Variants in GON4L observed in about 807,000 individuals in gnomAD.
GON4L encodes gon-4 like, also known as GON-4-like protein.
GON4L carries 87 observed loss-of-function variants against 211.8 expected under a neutral mutation model. The observed-to-expected ratio is 0.41, with a 90% CI of 0.35 to 0.49. The LOEUF is 0.49. Among genes scored for constraint, GON4L ranks in the 20% least tolerant of loss-of-function variants. GON4L has a pLI of 0.15. For missense variants in GON4L, 2,155 were observed against 2,659.5 expected (o/e 0.81, Z 4.17); for synonymous variants, 875 against 962.6 (o/e 0.91, Z 1.68).
chr1:155,825,175 TAAAG>T (rs990721251), intron 3 of GON4L, among the ~76,000 whole-genome samples: 1 of 151,020 alleles, frequency 6.6e-6, no homozygotes. Flanking sequence ...AAAAAAAAAT[TAAAG>T]AAAAGAAAAC....
chr1:155,760,774 A>G, intron 23 of GON4L, 133 bp from the exon 24 acceptor site: 1 of 623,878 alleles, frequency 1.6e-6, no homozygotes, highest in Admixed American at 2.7e-5. Flanking sequence ...CCTCCAACAG[A>G]TCTTAACATC....
At chr1:155,800,743 T>C (rs1666570403) in intron 11 of GON4L, among the ~76,000 whole-genome samples, 1 of 150,540 alleles carries the variant, frequency 6.6e-6, no homozygotes, top group African/African-American at 2.5e-5. Flanking sequence ...TCCCAGCTAC[T>C]CTGGAGGCTG....
chr1:155,795,157 A>G lies in GON4L; in HGVS notation c.1646-6T>C. ...ATCATCATCATCTGCTTCATCTAGG[A>G]AAAAAAAGTGTTTCAGATGCTCATT... On this transcript the variant is annotated splice_region_variant and splice_polypyrimidine_tract_variant and intron_variant, in intron 11 of 31. Transcript: ENST00000368331. 4 of 1,485,940 alleles carry G rather than the reference A, an allele frequency of 2.7e-6. No individual in the cohort carries two copies. The highest frequency in any genetic ancestry group is 3.8e-6 in the Non-Finnish European group (4 of 1,063,968). The allele number at this position is 1,485,940 out of a possible 1,614,324, so 92.0% of individuals were successfully genotyped here.
Position 155,822,350 on chromosome 1 carries a change from C to A in GON4L, c.824G>T (p.Arg275Leu). 1 of 1,614,012 alleles carries A rather than the reference C, an allele frequency of 6.2e-7. No individual in the cohort carries two copies. Among genetic ancestry groups the A allele is most frequent in the South Asian group, 1.1e-5 (1 of 91,080 alleles). The change falls in exon 4 of 32, where the codon CGT becomes CTT. Residue 275 changes from arginine (R) to leucine (L), a missense_variant. Arg to Leu is a moderately radical substitution (Grantham distance 102). This residue lies in a region of GON4L where 551 missense variants were observed against 854.0 expected (regional missense o/e 0.65). Coordinates refer to ENST00000368331, the MANE Select transcript of GON4L (RefSeq NM_001282860.2). ...YDLKLDDMLD[R>L]TLEDGAKQHN... ...CTGCTTGGCACCATCCTCCAAGGTACGGTCAAGCATGTCATCCAGTTTCAG... is the reference window on the plus strand; with the variant it reads ...CTGCTTGGCACCATCCTCCAAGGTAAGGTCAAGCATGTCATCCAGTTTCAG...
chr1:155,778,832 G>A (rs1292033457), intron 14 of GON4L, among the ~76,000 whole-genome samples: 1 of 152,130 alleles, frequency 6.6e-6, no homozygotes, highest in African/African-American at 2.4e-5. Context: ...ACGTTAGCTT[G>A]CTGATGGCTT....
intron 21 of GON4L, chr1:155,764,325 T>G (rs1374514625): frequency 6.4e-6 from 1 of 157,022 alleles, no homozygotes; most frequent in Non-Finnish European, 1.4e-5. Flanking sequence ...TTCATGTTGG[T>G]CAGGCTGGTT....
rs571927121 is a variant in GON4L at position 155,759,401 on chromosome 1, G to A, written c.5109+1043C>T. 1.8e-4 allele frequency among the ~76,000 whole-genome samples: 27 copies of A among 152,114 alleles called. No individual in the cohort carries two copies. In the East Asian group the frequency reaches 3.1e-3, roughly 18 times the overall value. ...AGCCTGACCAACATGGAGAAACCCCGTCTTTACTAAAAATACAAAATTAGC... is the reference window on the plus strand; with the variant it reads ...AGCCTGACCAACATGGAGAAACCCCATCTTTACTAAAAATACAAAATTAGC... On this transcript the variant is annotated intron_variant, in intron 24 of 31. Transcript: ENST00000368331.
chr1:155,832,145 C>G (rs1051392892), intron 2 of GON4L, among the ~76,000 whole-genome samples: 2 of 151,508 alleles, frequency 1.3e-5, no homozygotes, highest in African/African-American at 4.9e-5. Flanking sequence ...CGCAGTGGCA[C>G]ATGCCTGTAA....
intron 2 of GON4L, among the ~76,000 whole-genome samples, chr1:155,841,530 T>C (rs1479858170): frequency 6.6e-6 from 1 of 152,192 alleles, no homozygotes; most frequent in Non-Finnish European, 1.5e-5. Flanking sequence ...GGCTCTTATA[T>C]TGCTTAAAAG....
Position 155,776,385 on chromosome 1 carries a change from G to A in GON4L, c.2178+10C>T, listed in dbSNP as rs763259660. ...CTAGTCTTTAGAGTTATGGATATTT[G>A]GAAACTTACAAGAAATATCCTGGTG... is the stretch of plus-strand genomic sequence containing the variant. On this transcript the variant is annotated intron_variant, in intron 16 of 31. Transcript: ENST00000368331. The A allele has an allele frequency of 6.4e-7, 1 of 1,561,042 alleles. No individual in the cohort carries two copies. The highest frequency in any genetic ancestry group is 1.1e-5 in the South Asian group (1 of 89,896).
At chr1:155,843,034 C>T (rs1446022159) in intron 2 of GON4L, among the ~76,000 whole-genome samples, 1 of 152,124 alleles carries the variant, frequency 6.6e-6, no homozygotes, top group Non-Finnish European at 1.5e-5. Flanking sequence ...AAGAGGAGGA[C>T]ACCATGACCT....
intron 20 of GON4L, 152 bp downstream of exon 20, chr1:155,767,273 C>G: frequency 6.5e-7 from 1 of 1,546,334 alleles, no homozygotes; most frequent in Non-Finnish European, 8.8e-7. Context: ...CAGAGAAGGG[C>G]AGAAAAGTAA....
intron 2 of GON4L, among the ~76,000 whole-genome samples, chr1:155,833,693 G>A (rs1329802735): frequency 1.5e-5 from 2 of 129,682 alleles, no homozygotes; most frequent in Admixed American, 1.7e-4. Context: ...GGGGAGGGGA[G>A]GTGAGGGAAG....
At chr1:155,767,066 A>G in intron 20 of GON4L, 1 of 590,690 alleles carries the variant, frequency 1.7e-6, no homozygotes, top group Non-Finnish European at 2.9e-6. Context: ...ACAACAAAAA[A>G]AGAATTTGGG....
intron 14 of GON4L, among the ~76,000 whole-genome samples, chr1:155,782,900 C>T (rs1045137781): frequency 6.6e-6 from 1 of 152,106 alleles, no homozygotes; most frequent in African/African-American, 2.4e-5. Context: ...CTGAGGTGAT[C>T]CCCCTGCCTC....
At chr1:155,767,077 A>G in intron 20 of GON4L, 1 of 605,260 alleles carries the variant, frequency 1.7e-6, no homozygotes, top group Non-Finnish European at 2.8e-6. Context: ...AGAATTTGGG[A>G]AAAACAATAG....
chr1:155,794,977 T>C (rs1665932647), intron 12 of GON4L, 73 bp downstream of exon 12: 2 of 899,086 alleles, frequency 2.2e-6, no homozygotes, highest in African/African-American at 1.6e-5. Context: ...ACTTCACCCC[T>C]AAAAATCTAC....
In GON4L at chr1:155,781,309, A is replaced by AT. The variant is rs554278255; in HGVS notation, c.1892+2676dup. Among the ~76,000 whole-genome samples the AT allele has an allele frequency of 1.6e-3, 239 of 151,172 alleles. 2 individuals carry two copies. Among genetic ancestry groups the AT allele is most frequent in the African/African-American group, 4.9e-3 (201 of 41,202 alleles). ...AGGCACCTGCCAACACGTCCGACTA[A>AT]TTTTTTTTGCATTTTTAGTAGAGAC... On this transcript the variant is annotated intron_variant, in intron 14 of 31. Coordinates refer to ENST00000368331, the MANE Select transcript of GON4L (RefSeq NM_001282860.2).
chr1:155,815,541 T>C (rs904785738), intron 8 of GON4L, among the ~76,000 whole-genome samples: 1 of 152,162 alleles, frequency 6.6e-6, no homozygotes, highest in African/African-American at 2.4e-5. Flanking sequence ...GATATATTTC[T>C]TGACTTTGCT....
Sources: gnomAD v4.1 joint callset for allele counts (sites outside exome capture counted in the v4.1 genomes callset) on GRCh38, gnomAD v4.1.1 for gene constraint, gnomAD v4.1.1 regional missense constraint, MANE v1.5 for transcripts, NCBI Gene and HGNC (gene_info 2026-07-23, HGNC 2026-07-21) for gene names.